The following BBX variants were observed in gnomAD, a reference collection of about 807,000 sequenced individuals.
BBX encodes BBX high mobility group box domain containing, also known as HMG box transcription factor BBX.
BBX carries 30 observed loss-of-function variants against 100.2 expected under a neutral mutation model. The ratio of observed to expected loss-of-function variants is 0.30; its 90% CI spans 0.22 to 0.41. The LOEUF is 0.41. Ranked by LOEUF, BBX falls within the 10% of genes least tolerant of loss-of-function variation. The pLI is 1.00. For missense variants in BBX, 1,023 were observed against 1,129.8 expected, an observed-to-expected ratio of 0.91 and a Z score of 1.35; for synonymous variants, 376 against 388.1, an observed-to-expected ratio of 0.97 and a Z score of 0.37.
intron 9 of BBX, among the ~76,000 whole-genome samples, chr3:107,751,490 A>G (rs2065074194): frequency 6.6e-6 from 1 of 152,142 alleles, no homozygotes; most frequent in Non-Finnish European, 1.5e-5. Flanking sequence ...TTTAACAGTA[A>G]ACCCTGGTGA....
At chr3:107,745,060 A>G (rs920417232) in intron 8 of BBX, among the ~76,000 whole-genome samples, 1 of 152,194 alleles carries the variant, frequency 6.6e-6, no homozygotes, top group Admixed American at 6.5e-5. Context: ...AAATCAGCTC[A>G]TGGTTATTGG....
chr3:107,741,960 A>C (rs982859075), intron 7 of BBX, among the ~76,000 whole-genome samples: 1 of 152,162 alleles, frequency 6.6e-6, no homozygotes, highest in Admixed American at 6.5e-5. Context: ...CTCAATAATG[A>C]ATTCTTCATA....
chr3:107,590,164 T>A (rs2107587271), intron 2 of BBX, among the ~76,000 whole-genome samples: 1 of 152,160 alleles, frequency 6.6e-6, no homozygotes, highest in East Asian at 1.9e-4. Flanking sequence ...GTACCAGCTT[T>A]TAGTATAAAG....
chr3:107,746,150 G>T (rs747075291), intron 8 of BBX, among the ~76,000 whole-genome samples: 2 of 152,012 alleles, frequency 1.3e-5, no homozygotes, highest in Non-Finnish European at 2.9e-5. Context: ...ATTCTTAAAG[G>T]AATATATTGT....
chr3:107,774,956 T>C, intron 12 of BBX, 99 bp downstream of exon 12: 1 of 1,392,008 alleles, frequency 7.2e-7, no homozygotes, highest in East Asian at 2.4e-5. Context: ...GCTTGTTCTT[T>C]GACTACTCGC....
At chr3:107,609,344 T>C (rs2107648596) in intron 2 of BBX, among the ~76,000 whole-genome samples, 1 of 152,276 alleles carries the variant, frequency 6.6e-6, no homozygotes, top group East Asian at 1.9e-4. Context: ...GCCTATACTT[T>C]TCTTTTTTTG....
At chr3:107,576,414 TG>T (rs2051777768) in intron 2 of BBX, among the ~76,000 whole-genome samples, 1 of 152,226 alleles carries the variant, frequency 6.6e-6, no homozygotes, top group African/African-American at 2.4e-5. Flanking sequence ...TTCTTTTAGC[TG>T]GAGAAGATGT....
intron 3 of BBX, among the ~76,000 whole-genome samples, chr3:107,691,734 C>A (rs2060182600): frequency 6.6e-6 from 1 of 152,090 alleles, no homozygotes; most frequent in Non-Finnish European, 1.5e-5. Context: ...ATATTCAAGG[C>A]AGTATTCTAA....
At chr3:107,795,398 A>AC (rs1424851565) in intron 15 of BBX, among the ~76,000 whole-genome samples, 1 of 152,080 alleles carries the variant, frequency 6.6e-6, no homozygotes, top group Non-Finnish European at 1.5e-5. Context: ...ACCAAACAAG[A>AC]CCATACGTTC....
chr3:107,763,014 G>T (rs1211332005), intron 10 of BBX, among the ~76,000 whole-genome samples: 1 of 152,090 alleles, frequency 6.6e-6, no homozygotes, highest in Non-Finnish European at 1.5e-5. Flanking sequence ...ATTACCTTCA[G>T]ACTATTTATA....
At chr3:107,612,787 C>T (rs992269068) in intron 2 of BBX, among the ~76,000 whole-genome samples, 1 of 152,192 alleles carries the variant, frequency 6.6e-6, no homozygotes, top group Non-Finnish European at 1.5e-5. Context: ...GCTCCACAGT[C>T]AGCAGATAGT....
chr3:107,595,444 TTCAGACAGGGTGA>T (rs1470951774), intron 2 of BBX, among the ~76,000 whole-genome samples: 1 of 152,206 alleles, frequency 6.6e-6, no homozygotes, highest in African/African-American at 2.4e-5. Flanking sequence ...AACCTGAGGT[TTCAGACAGGGTGA>T]ACCAAGAACT....
intron 13 of BBX, among the ~76,000 whole-genome samples, chr3:107,783,913 G>A (rs571207585): frequency 1.6e-4 from 24 of 152,044 alleles, no homozygotes; most frequent in Admixed American, 2.6e-4. Flanking sequence ...ATTTGCTATT[G>A]GTTATTTAGA....
At chr3:107,745,585 C>T (rs2064512377) in intron 8 of BBX, among the ~76,000 whole-genome samples, 1 of 152,084 alleles carries the variant, frequency 6.6e-6, no homozygotes, top group Non-Finnish European at 1.5e-5. Flanking sequence ...TCTCAGCCTC[C>T]TGATAGCTAG....
At chr3:107,682,560 G>C (rs1022074010) in intron 3 of BBX, among the ~76,000 whole-genome samples, 28 of 152,206 alleles carry the variant, frequency 1.8e-4, no homozygotes, top group African/African-American at 6.3e-4. Flanking sequence ...CAGTATTTCT[G>C]CTCTCCCACT....
chr3:107,542,894 A>G (rs630346), intron 2 of BBX, among the ~76,000 whole-genome samples: 17,661 of 152,190 alleles, frequency 0.12, 1,141 homozygotes, highest in African/African-American at 0.14. Flanking sequence ...TCTTATGCCT[A>G]TGGCAATAAG....
chr3:107,761,612 C>T (rs759220220), intron 10 of BBX, among the ~76,000 whole-genome samples: 21 of 152,150 alleles, frequency 1.4e-4, no homozygotes, highest in Non-Finnish European at 2.8e-4. Flanking sequence ...ATTGTTTGAC[C>T]TTGACCTTGG....
chr3:107,722,742 A>G (rs2062633366), intron 5 of BBX, among the ~76,000 whole-genome samples: 2 of 152,066 alleles, frequency 1.3e-5, no homozygotes, highest in South Asian at 4.1e-4. Context: ...TCAGTGAAAT[A>G]GTCTAATTTT....
chr3:107,566,562 T>TC (rs1357666966), intron 2 of BBX, among the ~76,000 whole-genome samples: 1 of 151,826 alleles, frequency 6.6e-6, no homozygotes, highest in Non-Finnish European at 1.5e-5. Flanking sequence ...TTTTGTTTTT[T>TC]TTTTTTTTTG....
Sources: allele counts gnomAD v4.1 joint callset (sites outside exome capture counted in the v4.1 genomes callset), GRCh38; gene constraint gnomAD v4.1.1; transcripts MANE v1.5; gene names NCBI Gene and HGNC (gene_info 2026-07-23, HGNC 2026-07-21).